The following TENM4 variants were observed in gnomAD, a reference collection of about 807,000 sequenced individuals.
TENM4 encodes teneurin transmembrane protein 4, also known as teneurin-4.
Under a neutral mutation model 243.3 loss-of-function variants are expected in TENM4, and 82 were observed. The ratio of observed to expected loss-of-function variants is 0.34; its 90% CI spans 0.28 to 0.40. The LOEUF (loss-of-function observed/expected upper bound fraction) is 0.40, where lower values mean the gene tolerates loss of function less well. Among genes scored for constraint, TENM4 ranks in the 10% least tolerant of loss-of-function variants. The probability of loss-of-function intolerance (pLI) is 1.00; values close to 1 mark genes in which losing one functional copy is unlikely to be tolerated. For synonymous variants in TENM4, 1,412 were observed against 1,456.3 expected, an observed-to-expected ratio of 0.97 and a Z score of 0.69; for missense variants, 3,138 against 3,673.3, an observed-to-expected ratio of 0.85 and a Z score of 3.77.
chr11:78,817,320 A>G (rs1482616950), intron 12 of TENM4, among the ~76,000 whole-genome samples: 2 of 152,232 alleles, frequency 1.3e-5, no homozygotes, highest in East Asian at 3.9e-4. Context: ...AAAATGGTCC[A>G]AATGTGTGGC....
intron 21 of TENM4, among the ~76,000 whole-genome samples, chr11:78,730,456 T>G (rs1291095050): frequency 2.6e-5 from 4 of 151,850 alleles, no homozygotes; most frequent in Non-Finnish European, 2.9e-5. Flanking sequence ...AGAGAGAGGT[T>G]GGACTGGCTG....
At chr11:79,184,869 T>C (rs1378244033) in intron 3 of TENM4, among the ~76,000 whole-genome samples, 1 of 152,246 alleles carries the variant, frequency 6.6e-6, no homozygotes, top group South Asian at 2.1e-4. Context: ...TTAAATTTTA[T>C]GTTAGATGTA....
chr11:79,437,812 C>T (rs1859309115), intron 1 of TENM4, among the ~76,000 whole-genome samples: 1 of 152,226 alleles, frequency 6.6e-6, no homozygotes, highest in Admixed American at 6.5e-5. Context: ...ACCCAGCCGC[C>T]TCCGGGGCGC....
intron 12 of TENM4, among the ~76,000 whole-genome samples, chr11:78,831,697 G>C (rs915787088): frequency 2.0e-5 from 3 of 152,224 alleles, no homozygotes; most frequent in Non-Finnish European, 4.4e-5. Context: ...GGCGTCAGCT[G>C]ACAGATGCCA....
At chr11:79,346,375 G>C (rs746007646) in intron 1 of TENM4, among the ~76,000 whole-genome samples, 4 of 152,116 alleles carry the variant, frequency 2.6e-5, no homozygotes, top group Non-Finnish European at 5.9e-5. Flanking sequence ...GGGTGTTTGA[G>C]AATTAATGCA....
intron 28 of TENM4, among the ~76,000 whole-genome samples, chr11:78,694,776 G>T (rs2135741627): frequency 6.6e-6 from 1 of 152,310 alleles, no homozygotes; most frequent in East Asian, 1.9e-4. Flanking sequence ...TAAGTCCGTG[G>T]TAGGCACGGG....
At position 79,039,333 on chromosome 11, in the gene TENM4, G is replaced by A. The variant is rs186680904; in HGVS notation, c.493+25405C>T. Among the ~76,000 whole-genome samples the A allele has an allele frequency of 9.8e-5, 15 of 152,318 alleles. No individual in the cohort carries two copies. The East Asian group carries it at 1.7e-3, about 18-fold the overall frequency. On this transcript the variant is annotated intron_variant, in intron 6 of 33. Transcript: ENST00000278550. Reference sequence around the variant, plus strand: ...GATGGCAAAGTGAATGCCACCAACAGAGGACAAATCCCAGCCCCACACTTG... The same window carrying A: ...GATGGCAAAGTGAATGCCACCAACAAAGGACAAATCCCAGCCCCACACTTG...
intron 1 of TENM4, among the ~76,000 whole-genome samples, chr11:79,415,332 C>A (rs143296391): frequency 1.3e-5 from 2 of 152,296 alleles, no homozygotes; most frequent in Non-Finnish European, 2.9e-5. Context: ...TTGGTTTTCA[C>A]CCAGGTTGAC....
chr11:79,125,290 A>G (rs1332461063), intron 4 of TENM4, among the ~76,000 whole-genome samples: 1 of 152,220 alleles, frequency 6.6e-6, no homozygotes, highest in East Asian at 1.9e-4. Flanking sequence ...TCTTAAGTTC[A>G]GTAGACAAAG....
chr11:78,904,143 A>G (rs994942371), intron 6 of TENM4, among the ~76,000 whole-genome samples: 1 of 151,916 alleles, frequency 6.6e-6, no homozygotes, highest in Non-Finnish European at 1.5e-5. Context: ...GGCGGATCAC[A>G]AGGTCAGGAG....
chr11:78,884,870 T>C (rs909315947), intron 9 of TENM4, among the ~76,000 whole-genome samples: 63 of 152,200 alleles, frequency 4.1e-4, no homozygotes, highest in African/African-American at 1.4e-3. Context: ...CTTAAGCTCA[T>C]GGGGGCTCAG....
intron 1 of TENM4, among the ~76,000 whole-genome samples, chr11:79,409,426 C>G (rs1361187449): frequency 1.3e-5 from 2 of 152,074 alleles, no homozygotes; most frequent in African/African-American, 4.8e-5. Context: ...ATTTGTGTGA[C>G]CCAGTGGAGA....
At chr11:78,827,394 C>T (rs1203088426) in intron 12 of TENM4, among the ~76,000 whole-genome samples, 1 of 152,142 alleles carries the variant, frequency 6.6e-6, no homozygotes, top group Non-Finnish European at 1.5e-5. Flanking sequence ...CTGACTGAGC[C>T]CACTGCTCAT....
intron 1 of TENM4, among the ~76,000 whole-genome samples, chr11:79,429,141 G>A (rs1293914146): frequency 6.6e-6 from 1 of 152,152 alleles, no homozygotes; most frequent in South Asian, 2.1e-4. Flanking sequence ...CTGGTGCAAG[G>A]TGGCAAAGAA....
At chr11:79,226,045 G>A (rs1186694467) in intron 2 of TENM4, among the ~76,000 whole-genome samples, 1 of 152,078 alleles carries the variant, frequency 6.6e-6, no homozygotes, top group African/African-American at 2.4e-5. Context: ...GGCTGCAATA[G>A]CCTTCATACA....
At chr11:78,697,623 C>T (rs1272576528) in intron 28 of TENM4, among the ~76,000 whole-genome samples, 3 of 152,276 alleles carry the variant, frequency 2.0e-5, no homozygotes, top group South Asian at 2.1e-4. Context: ...TCTGAATTTA[C>T]GTGTCATTAT....
At chr11:78,737,926 A>T (rs550799223) in intron 20 of TENM4, among the ~76,000 whole-genome samples, 1 of 152,246 alleles carries the variant, frequency 6.6e-6, no homozygotes, top group African/African-American at 2.4e-5. Context: ...CATTTAACAG[A>T]TGAAGCCAAG....
intron 5 of TENM4, among the ~76,000 whole-genome samples, chr11:79,067,678 C>T (rs1005701430): frequency 6.6e-6 from 1 of 152,210 alleles, no homozygotes; most frequent in African/African-American, 2.4e-5. Flanking sequence ...CTAAGGGTTC[C>T]ATGATCCTGT....
At position 78,688,040 on chromosome 11, in the gene TENM4, C is replaced by G. The variant is rs1221452747; in HGVS notation, c.5260+14G>C. The G allele has an allele frequency of 1.2e-6, 2 of 1,612,718 alleles. No homozygotes were observed. The highest frequency in any genetic ancestry group is 3.3e-5 in the Admixed American group (2 of 59,936). On this transcript the variant is annotated intron_variant, in intron 29 of 33. Transcript: ENST00000278550. ...CCCTCTGCCTCAAAGTCCCCTGGCC[C>G]CCACCTGACTTACCTTGCAGCAGTG... is the stretch of plus-strand genomic sequence containing the variant.
Sources: gnomAD v4.1 joint callset for allele counts (sites outside exome capture counted in the v4.1 genomes callset) on GRCh38, gnomAD v4.1.1 for gene constraint, MANE v1.5 for transcripts, NCBI Gene and HGNC (gene_info 2026-07-23, HGNC 2026-07-21) for gene names.